MVB12B: variants seen among roughly 807,000 people sequenced by gnomAD.
MVB12B encodes multivesicular body subunit 12B.
Under a neutral mutation model 41.6 loss-of-function variants are expected in MVB12B, and 16 were observed. That is an observed-to-expected ratio of 0.38 (90% CI 0.26 to 0.58). The LOEUF (loss-of-function observed/expected upper bound fraction) is 0.58, where lower values mean the gene tolerates loss of function less well. Among genes scored for constraint, MVB12B ranks in the 20% least tolerant of loss-of-function variants. MVB12B has a pLI of 0.62. For synonymous variants in MVB12B, 133 were observed against 139.7 expected (o/e 0.95, Z 0.34); for missense variants, 274 against 380.2 (o/e 0.72, Z 2.32).
intron 7 of MVB12B, among the ~76,000 whole-genome samples, chr9:126,452,541 A>G (rs943337758): frequency 6.6e-6 from 1 of 152,230 alleles, no homozygotes; most frequent in Non-Finnish European, 1.5e-5. Context: ...TCGTTTGGCC[A>G]GACTGGAAAT....
At chr9:126,347,351 T>C (rs1303158839) in intron 2 of MVB12B, among the ~76,000 whole-genome samples, 1 of 152,264 alleles carries the variant, frequency 6.6e-6, no homozygotes, top group Non-Finnish European at 1.5e-5. Context: ...CCTTTTTTGC[T>C]GCTCCTGCCT....
chr9:126,387,160 C>A (rs1830820049), intron 4 of MVB12B, among the ~76,000 whole-genome samples: 1 of 152,216 alleles, frequency 6.6e-6, no homozygotes, highest in South Asian at 2.1e-4. Flanking sequence ...GACCACTGAG[C>A]AGGTCCAAGC....
In MVB12B at chr9:126,456,939, C is replaced by T. The variant is rs570937867; in HGVS notation, c.758-24430C>T. Among the ~76,000 whole-genome samples the T allele has an allele frequency of 3.3e-5, 5 of 152,304 alleles. No individual in the cohort carries two copies. The South Asian group carries it at 1.0e-3, about 32-fold the overall frequency. ...GGAGTCTACGTATGGGCCCCGGCTTCGTCCTGAAGCAGTGTCAAGAGTCCT... is the reference window on the plus strand; with the variant it reads ...GGAGTCTACGTATGGGCCCCGGCTTTGTCCTGAAGCAGTGTCAAGAGTCCT... On this transcript the variant is annotated intron_variant, in intron 7 of 9. Coordinates refer to ENST00000361171, the MANE Select transcript of MVB12B (RefSeq NM_033446.3).
chr9:126,473,782 T>C lies in MVB12B; in HGVS notation c.758-7587T>C, dbSNP rs541376500. On this transcript the variant is annotated intron_variant, in intron 7 of 9. Coordinates refer to ENST00000361171, the MANE Select transcript of MVB12B (RefSeq NM_033446.3). This position sits in a 1 kb window ranked among gnomAD's most constrained non-coding sequence, Gnocchi z 4.0. ...CCCCCTCCAATACCGGGGATTACAA[T>C]TGAACATGAGATTTGGGTATTTGGG... Among the ~76,000 whole-genome samples, 19 of 152,312 alleles carry C rather than the reference T, an allele frequency of 1.2e-4. No individual in the cohort carries two copies. The East Asian group carries it at 3.1e-3, about 25-fold the overall frequency.
rs1018497954 is a variant in MVB12B at position 126,333,895 on chromosome 9, A to G, written c.82-6613A>G. On this transcript the variant is annotated intron_variant, in intron 1 of 9. Coordinates refer to ENST00000361171, the MANE Select transcript of MVB12B (RefSeq NM_033446.3). The surrounding 1 kb of genome is among the most constrained non-coding windows in gnomAD (Gnocchi z 4.7). ...CATCCATCCATCCATCCATTCGTTCATCAAATACCTGATGAATACCTGCTC... is the reference window on the plus strand; with the variant it reads ...CATCCATCCATCCATCCATTCGTTCGTCAAATACCTGATGAATACCTGCTC... Among the ~76,000 whole-genome samples, 1 of 152,006 alleles carries G rather than the reference A, an allele frequency of 6.6e-6. No homozygotes were observed. Among genetic ancestry groups the G allele is most frequent in the Admixed American group, 6.5e-5 (1 of 15,270 alleles).
At chr9:126,347,201 C>T (rs1387009549) in intron 2 of MVB12B, among the ~76,000 whole-genome samples, 1 of 152,230 alleles carries the variant, frequency 6.6e-6, no homozygotes, top group African/African-American at 2.4e-5. Context: ...AGTTGGGACC[C>T]AGAGCCCAGT....
At chr9:126,438,709 G>C (rs1011648157) in intron 7 of MVB12B, among the ~76,000 whole-genome samples, 3 of 152,200 alleles carry the variant, frequency 2.0e-5, no homozygotes, top group African/African-American at 7.2e-5. Flanking sequence ...AGAGCCCAGT[G>C]GGGTGGGGGT....
Position 126,444,039 on chromosome 9 carries a change from G to T in MVB12B, c.757+22091G>T, listed in dbSNP as rs528267867. 4.6e-5 allele frequency among the ~76,000 whole-genome samples: 7 copies of T among 152,164 alleles called. No individual in the cohort carries two copies. In the East Asian group the frequency reaches 9.6e-4, roughly 21 times the overall value. On this transcript the variant is annotated intron_variant, in intron 7 of 9. Transcript: ENST00000361171. ...AATTTGTTCCTTTCCAACACTCCAG[G>T]TGTCTATTCTGCTTTGAGACCTGTT...
At chr9:126,445,424 C>T (rs1305367254) in intron 7 of MVB12B, among the ~76,000 whole-genome samples, 2 of 152,176 alleles carry the variant, frequency 1.3e-5, no homozygotes, top group African/African-American at 4.8e-5. Flanking sequence ...CTGCCTCAGC[C>T]TCCAAAGTAG....
At position 126,380,603 on chromosome 9, in the gene MVB12B, C is replaced by T. The variant is rs1334327956; in HGVS notation, c.205-461C>T. ...CCTGCCCCAGCCTCCAGTAGAATCC[C>T]GTTGACTGAAGCACCCAGCTGGTCC... On this transcript the variant is annotated intron_variant, in intron 2 of 9. Transcript: ENST00000361171. Among the ~76,000 whole-genome samples the T allele has an allele frequency of 2.6e-5, 4 of 152,156 alleles. No homozygotes were observed. In the South Asian group the frequency reaches 6.2e-4, roughly 24 times the overall value.
rs1834027884 is a variant in MVB12B, at chr9:126,504,509, GA to G, written c.*1248del. On this transcript the variant is annotated 3_prime_UTR_variant, in exon 10 of 10. Transcript: ENST00000361171. ...GGGGGCTGCACTACCTGCGTCCGTGGAAGCCTCTGCCTCAGCGGGGACGGCC... is the reference window on the plus strand; with the variant it reads ...GGGGGCTGCACTACCTGCGTCCGTGGAGCCTCTGCCTCAGCGGGGACGGCC... 6.6e-6 allele frequency: 1 copy of G among 152,544 alleles called. No individual in the cohort carries two copies. The highest frequency in any genetic ancestry group is 1.5e-5 in the Non-Finnish European group (1 of 68,098). The allele number at this position is 152,544 out of a possible 1,614,324, so 9.4% of individuals were successfully genotyped here.
chr9:126,362,890 G>A (rs1830063364), intron 2 of MVB12B, among the ~76,000 whole-genome samples: 1 of 152,066 alleles, frequency 6.6e-6, no homozygotes, highest in South Asian at 2.1e-4. Flanking sequence ...TTTGCATAAA[G>A]GAAAATTAAT....
At chr9:126,453,119 T>G (rs1450990854) in intron 7 of MVB12B, among the ~76,000 whole-genome samples, 1 of 152,140 alleles carries the variant, frequency 6.6e-6, no homozygotes, top group East Asian at 1.9e-4. Context: ...AAGAGAAGAC[T>G]TGCTGAAAGT....
At chr9:126,335,174 T>A in intron 1 of MVB12B, 1 of 1,099,574 alleles carries the variant, frequency 9.1e-7, no homozygotes, top group Non-Finnish European at 1.1e-6. Context: ...TCCTAGCAGC[T>A]AGTGACTTGT....
At chr9:126,383,785 C>G (rs1261460296) in intron 3 of MVB12B, among the ~76,000 whole-genome samples, 8 of 151,880 alleles carry the variant, frequency 5.3e-5, no homozygotes, top group Non-Finnish European at 1.2e-4. Flanking sequence ...TGAGGAGGGA[C>G]CACAGTTGGG....
At chr9:126,380,195 G>T (rs778634940) in intron 2 of MVB12B, among the ~76,000 whole-genome samples, 2 of 152,142 alleles carry the variant, frequency 1.3e-5, no homozygotes, top group Non-Finnish European at 2.9e-5. Flanking sequence ...CCTGACCAGC[G>T]ATTCACAGAG....
intron 6 of MVB12B, among the ~76,000 whole-genome samples, chr9:126,412,792 A>G (rs1364212144): frequency 6.6e-6 from 1 of 152,130 alleles, no homozygotes; most frequent in African/African-American, 2.4e-5. Context: ...CCATGGAAAA[A>G]AGATTGTCTT....
intron 7 of MVB12B, among the ~76,000 whole-genome samples, chr9:126,424,274 C>T (rs1832107272): frequency 6.6e-6 from 1 of 152,174 alleles, no homozygotes; most frequent in Non-Finnish European, 1.5e-5. Flanking sequence ...ATTCCTTTTC[C>T]TGTATCTTTC....
intron 7 of MVB12B, among the ~76,000 whole-genome samples, chr9:126,429,407 C>A (rs555454562): frequency 1.3e-5 from 2 of 152,136 alleles, no homozygotes; most frequent in Non-Finnish European, 2.9e-5. Flanking sequence ...TGCTGTCAGG[C>A]GCACGCACAC....
Sources: allele counts gnomAD v4.1 joint callset (sites outside exome capture counted in the v4.1 genomes callset), GRCh38; gene constraint gnomAD v4.1.1; non-coding constraint Gnocchi (gnomAD v3.1); transcripts MANE v1.5; gene names NCBI Gene and HGNC (gene_info 2026-07-23, HGNC 2026-07-21).